Variants in NR3C2 observed in about 807,000 individuals in gnomAD.
NR3C2 encodes the protein nuclear receptor subfamily 3 group C member 2.
NR3C2 carries 15 observed loss-of-function variants against 86.4 expected under a neutral mutation model. The ratio of observed to expected loss-of-function variants is 0.17; its 90% CI spans 0.12 to 0.27. The LOEUF (loss-of-function observed/expected upper bound fraction) is 0.27, where lower values mean the gene tolerates loss of function less well. Among genes scored for constraint, NR3C2 ranks in the 10% least tolerant of loss-of-function variants. The pLI is 1.00. For missense variants in NR3C2, 960 were observed against 1,195.6 expected (o/e 0.80, Z 2.91); for synonymous variants, 458 against 450.5 (o/e 1.02, Z -0.21).
At chr4:148,349,704 TTGTTGA>T (rs1391762038) in intron 2 of NR3C2, among the ~76,000 whole-genome samples, 6 of 152,190 alleles carry the variant, frequency 3.9e-5, no homozygotes, top group Non-Finnish European at 8.8e-5. Flanking sequence ...TGATGTTTTG[TTGTTGA>T]TGTTAATGTA....
intron 3 of NR3C2, among the ~76,000 whole-genome samples, chr4:148,198,809 G>A (rs933951194): frequency 8.6e-5 from 13 of 151,958 alleles, no homozygotes; most frequent in Middle Eastern, 3.4e-3. Flanking sequence ...GGCCAGGTGC[G>A]GTGGCTCACG....
At chr4:148,234,694 AAAAAAG>A (rs1270009881) in intron 3 of NR3C2, among the ~76,000 whole-genome samples, 379 of 151,944 alleles carry the variant, frequency 2.5e-3, no homozygotes, top group African/African-American at 8.3e-3. Context: ...AAAAAAAAAA[AAAAAAG>A]GAGGGAGGGA....
intron 2 of NR3C2, among the ~76,000 whole-genome samples, chr4:148,315,350 A>G (rs1356331080): frequency 2.0e-5 from 3 of 152,184 alleles, no homozygotes; most frequent in Admixed American, 6.5e-5. Flanking sequence ...CCAAGGTACT[A>G]TGTTAAGTTG....
chr4:148,232,921 C>T (rs1039764326), intron 3 of NR3C2, among the ~76,000 whole-genome samples: 21 of 152,136 alleles, frequency 1.4e-4, no homozygotes, highest in African/African-American at 2.4e-5. Flanking sequence ...ACATTTCTTC[C>T]GCTGCTTCCT....
At chr4:148,226,254 C>A (rs1047377652) in intron 3 of NR3C2, among the ~76,000 whole-genome samples, 7 of 152,146 alleles carry the variant, frequency 4.6e-5, no homozygotes, top group African/African-American at 1.7e-4. Context: ...GCCAAGAAAG[C>A]TACCCTGTGC....
At chr4:148,201,197 C>T (rs1448003658) in intron 3 of NR3C2, 1 of 152,176 alleles carries the variant, frequency 6.6e-6, no homozygotes, top group East Asian at 1.9e-4. Context: ...GTTTAAAGGC[C>T]TTCTAGGGCC....
intron 2 of NR3C2, among the ~76,000 whole-genome samples, chr4:148,351,983 T>C (rs1296165886): frequency 1.3e-5 from 2 of 152,148 alleles, no homozygotes; most frequent in Admixed American, 6.5e-5. Flanking sequence ...TAGATTAATG[T>C]GTGGTTGAAA....
intron 2 of NR3C2, among the ~76,000 whole-genome samples, chr4:148,348,310 T>C (rs2149989638): frequency 6.6e-6 from 1 of 152,278 alleles, no homozygotes; most frequent in Non-Finnish European, 1.5e-5. Context: ...GCACTTACCA[T>C]GGTGGTAATT....
intron 2 of NR3C2, among the ~76,000 whole-genome samples, chr4:148,430,717 T>C (rs1749763309): frequency 6.6e-6 from 1 of 152,106 alleles, no homozygotes; most frequent in Non-Finnish European, 1.5e-5. Context: ...CTTTCAGACA[T>C]TGCATTACAT....
intron 2 of NR3C2, among the ~76,000 whole-genome samples, chr4:148,326,035 A>G (rs1454381915): frequency 1.3e-5 from 2 of 152,174 alleles, no homozygotes; most frequent in Non-Finnish European, 2.9e-5. Flanking sequence ...TTTTAACATG[A>G]AATTCAACCA....
At chr4:148,414,938 G>T (rs905546050) in intron 2 of NR3C2, among the ~76,000 whole-genome samples, 2 of 152,150 alleles carry the variant, frequency 1.3e-5, no homozygotes, top group Non-Finnish European at 2.9e-5. Flanking sequence ...CAGTATTAGG[G>T]TTATTAACAA....
chr4:148,173,561 C>T (rs1277693803), intron 4 of NR3C2, among the ~76,000 whole-genome samples: 1 of 152,084 alleles, frequency 6.6e-6, no homozygotes, highest in Non-Finnish European at 1.5e-5. Context: ...CTCTAAGGAA[C>T]ACAGTCTGTT....
chr4:148,292,530 C>A (rs1326858980), intron 2 of NR3C2, among the ~76,000 whole-genome samples: 2 of 152,094 alleles, frequency 1.3e-5, no homozygotes, highest in Non-Finnish European at 2.9e-5. Context: ...ACAATTTATA[C>A]AGTTAGAAGG....
At chr4:148,165,412 T>C (rs967914512) in intron 4 of NR3C2, among the ~76,000 whole-genome samples, 6 of 152,162 alleles carry the variant, frequency 3.9e-5, no homozygotes, top group South Asian at 2.1e-4. Context: ...AAAAAATATA[T>C]ACACCAGGAA....
intron 2 of NR3C2, among the ~76,000 whole-genome samples, chr4:148,325,508 T>C (rs1244629722): frequency 7.6e-6 from 1 of 130,768 alleles, no homozygotes; most frequent in East Asian, 2.1e-4. Context: ...AGCATGAAGT[T>C]ATGACATTAC....
chr4:148,161,587 C>A (rs959300028), intron 4 of NR3C2, among the ~76,000 whole-genome samples: 5 of 152,230 alleles, frequency 3.3e-5, no homozygotes, highest in African/African-American at 9.6e-5. Flanking sequence ...AACTCCTTAC[C>A]TCAGGTAATC....
chr4:148,328,844 G>A (rs1426685262), intron 2 of NR3C2, among the ~76,000 whole-genome samples: 1 of 152,100 alleles, frequency 6.6e-6, no homozygotes, highest in Non-Finnish European at 1.5e-5. Flanking sequence ...TCTAACCCAG[G>A]GCTTTCTGAG....
chr4:148,168,368 C>T (rs1404906549), intron 4 of NR3C2, among the ~76,000 whole-genome samples: 1 of 152,104 alleles, frequency 6.6e-6, no homozygotes, highest in East Asian at 1.9e-4. Flanking sequence ...CCTTCTAGAC[C>T]CAGAAAGGAC....
intron 8 of NR3C2, among the ~76,000 whole-genome samples, chr4:148,103,390 G>C (rs1043265942): frequency 2.6e-5 from 4 of 152,186 alleles, no homozygotes; most frequent in African/African-American, 9.7e-5. Context: ...GCCTGGCATG[G>C]TAGAGGCTAC....
Sources: allele counts gnomAD v4.1 joint callset (sites outside exome capture counted in the v4.1 genomes callset), GRCh38; gene constraint gnomAD v4.1.1; transcripts MANE v1.5; gene names NCBI Gene and HGNC (gene_info 2026-07-23, HGNC 2026-07-21).